The following PSMB2 variants were observed in gnomAD, a reference collection of about 807,000 sequenced individuals.
The protein encoded by PSMB2 is proteasome subunit beta type-2.
In PSMB2, 13 loss-of-function variants were observed where a neutral mutation model predicts 25.7. That is an observed-to-expected ratio of 0.51 (90% confidence interval 0.33 to 0.80). The LOEUF (loss-of-function observed/expected upper bound fraction) is 0.80. Ranked by LOEUF, PSMB2 falls within the 30% of genes least tolerant of loss-of-function variation. PSMB2 has a pLI of 0.02. For synonymous variants in PSMB2, 87 were observed against 96.2 expected (o/e 0.90, Z 0.56); for missense variants, 202 against 259.0 (o/e 0.78, Z 1.51).
rs774821361 is a variant in PSMB2, at chr1:35,641,428, T to C, written c.5A>G (p.Glu2Gly). Residue 2 changes from glutamate (E) to glycine (G), a missense_variant, in exon 1 of 6, where the codon GAG (glutamate) becomes GGG (glycine). Coordinates refer to ENST00000373237, the MANE Select transcript of PSMB2 (RefSeq NM_002794.5). M[E>G]YLIGIQGPDY... ...GGGGCCTTGGATACCGATGAGGTACTCCATGGTGGCGGAAGGCCAGGGGCT... is the reference window on the plus strand; with the variant it reads ...GGGGCCTTGGATACCGATGAGGTACCCCATGGTGGCGGAAGGCCAGGGGCT... 9 of 1,614,076 alleles carry C rather than the reference T, an allele frequency of 5.6e-6. No homozygotes were observed. Among genetic ancestry groups the C allele is most frequent in the Non-Finnish European group, 7.6e-6 (9 of 1,179,996 alleles).
intron 4 of PSMB2, among the ~76,000 whole-genome samples, chr1:35,605,975 G>A (rs942291204): frequency 1.3e-5 from 2 of 152,198 alleles, no homozygotes; most frequent in Non-Finnish European, 2.9e-5. Flanking sequence ...CTAAGGTTGA[G>A]CGAGAGGGCA....
At chr1:35,631,549 T>G in intron 2 of PSMB2, 2 of 1,358,324 alleles carry the variant, frequency 1.5e-6, no homozygotes, top group Non-Finnish European at 1.9e-6. Context: ...ACAGCAATTC[T>G]TGGCCACAAA....
chr1:35,608,909 G>A (rs1476847624), intron 4 of PSMB2, among the ~76,000 whole-genome samples: 1 of 152,130 alleles, frequency 6.6e-6, no homozygotes, highest in East Asian at 1.9e-4. Flanking sequence ...AGCAAAATAA[G>A]TGAAAAAACT....
In PSMB2 at chr1:35,641,385, G is replaced by A. The variant is rs748295657; in HGVS notation, c.48C>T (p.Ala16=). 8 of 1,614,002 alleles carry A rather than the reference G, an allele frequency of 5.0e-6. No homozygotes were observed. The Admixed American group carries it at 8.3e-5, about 17-fold the overall frequency. Residue 16 remains alanine, a synonymous_variant, in exon 1 of 6, where the codon GCC becomes GCT. Coordinates refer to ENST00000373237, the MANE Select transcript of PSMB2 (RefSeq NM_002794.5). ...TATTGCTGGCGGCCACCCGGTCGGAGGCGACAAGAACATAGTCGGGGCCTT... is the reference window on the plus strand; with the variant it reads ...TATTGCTGGCGGCCACCCGGTCGGAAGCGACAAGAACATAGTCGGGGCCTT... ...GIQGPDYVLV[A]SDRVAASNIV...
At chr1:35,631,571 C>T (rs1571140522) in intron 2 of PSMB2, 1 of 1,202,358 alleles carries the variant, frequency 8.3e-7, no homozygotes, top group Non-Finnish European at 1.1e-6. Context: ...AGAACCAGTT[C>T]TATAGTGGAA....
intron 3 of PSMB2, among the ~76,000 whole-genome samples, chr1:35,627,425 G>A (rs1373528446): frequency 6.6e-6 from 1 of 152,124 alleles, no homozygotes; most frequent in East Asian, 1.9e-4. Context: ...GGAAGCAGAA[G>A]CGGGAGGATT....
intron 1 of PSMB2, among the ~76,000 whole-genome samples, chr1:35,636,638 CT>C (rs914347603): frequency 6.6e-6 from 1 of 151,610 alleles, no homozygotes; most frequent in East Asian, 1.9e-4. Flanking sequence ...CATGTACTGA[CT>C]TTTTTTCTGG....
chr1:35,635,885 T>A (rs1411192569), intron 2 of PSMB2, among the ~76,000 whole-genome samples: 1 of 151,506 alleles, frequency 6.6e-6, no homozygotes. Flanking sequence ...TAAAGAATAT[T>A]ATTTTTCAGT....
rs187286883 is a variant in PSMB2 at position 35,631,864 on chromosome 1, A to T, written c.215-520T>A. ...AGTGAGACCCCCATCTCTAAAAAAAATTTTTTTTTAAATTTCTAGGCATGG... is the reference window on the plus strand; with the variant it reads ...AGTGAGACCCCCATCTCTAAAAAAATTTTTTTTTTAAATTTCTAGGCATGG... On this transcript the variant is annotated intron_variant, in intron 2 of 5. Coordinates refer to ENST00000373237, the MANE Select transcript of PSMB2 (RefSeq NM_002794.5). 1.0e-2 allele frequency among the ~76,000 whole-genome samples: 1,516 copies of T among 151,756 alleles called. 31 individuals carry two copies. The highest frequency in any genetic ancestry group is 0.035 in the African/African-American group (1,435 of 41,352).
At chr1:35,612,684 C>T (rs2148565576) in intron 3 of PSMB2, among the ~76,000 whole-genome samples, 1 of 152,236 alleles carries the variant, frequency 6.6e-6, no homozygotes, top group South Asian at 2.1e-4. Context: ...AGTCTTTTAC[C>T]TATCACAAAG....
intron 2 of PSMB2, 118 bp downstream of exon 2, chr1:35,636,192 C>T: frequency 7.6e-7 from 1 of 1,309,178 alleles, no homozygotes; most frequent in African/African-American, 1.5e-5. Context: ...TCTTTGACTT[C>T]TAACATCTAG....
chr1:35,610,736 C>T (rs1022981338), intron 3 of PSMB2, among the ~76,000 whole-genome samples: 13 of 152,126 alleles, frequency 8.5e-5, no homozygotes, highest in African/African-American at 1.4e-4. Flanking sequence ...CCTCGTGATC[C>T]GCCCGCCTCG....
chr1:35,632,244 G>A (rs772197766), intron 2 of PSMB2, among the ~76,000 whole-genome samples: 2 of 152,120 alleles, frequency 1.3e-5, no homozygotes, highest in African/African-American at 4.8e-5. Context: ...AATAAAAGTT[G>A]TCATACCAAC....
At chr1:35,613,584 A>C (rs931952642) in intron 3 of PSMB2, among the ~76,000 whole-genome samples, 1 of 152,194 alleles carries the variant, frequency 6.6e-6, no homozygotes, top group Non-Finnish European at 1.5e-5. Context: ...GAAGTGGTTC[A>C]AGTTTAAGTC....
chr1:35,640,344 C>T (rs1651360290), intron 1 of PSMB2, among the ~76,000 whole-genome samples: 1 of 152,096 alleles, frequency 6.6e-6, no homozygotes, highest in Non-Finnish European at 1.5e-5. Flanking sequence ...ATCCTCCCGA[C>T]AAGTTTGTGA....
rs77097733 is a variant in PSMB2, at chr1:35,629,420, G to A, written c.285+1854C>T. Among the ~76,000 whole-genome samples the A allele has an allele frequency of 1.5e-3, 233 of 152,234 alleles. 3 individuals carry two copies. The East Asian group carries it at 0.04, about 26-fold the overall frequency. On this transcript the variant is annotated intron_variant, in intron 3 of 5. Transcript: ENST00000373237. ...GTGTTGCATCTTTTAACATGCTGTC[G>A]ATGAAATGGAGACAGCTCTAGAATA...
Position 35,600,853 on chromosome 1 carries a change from A to C in PSMB2, c.*2414T>G. On this transcript the variant is annotated 3_prime_UTR_variant, in exon 6 of 6. Transcript: ENST00000373237. ...CTGAATGCAGAATAACAAGTTTACC[A>C]ATCATTATACACTTACTGAGCACTT... 1.0e-6 allele frequency: 1 copy of C among 985,410 alleles called. No individual in the cohort carries two copies. The highest frequency in any genetic ancestry group is 1.2e-6 in the Non-Finnish European group (1 of 829,930). The allele number at this position is 985,410 out of a possible 1,614,324, so 61.0% of individuals were successfully genotyped here. A position where few individuals can be genotyped will look rare whatever the true frequency, so the allele number is the denominator to read the frequency against.
intron 3 of PSMB2, among the ~76,000 whole-genome samples, chr1:35,620,794 A>T (rs1055628427): frequency 1.3e-5 from 2 of 151,016 alleles, no homozygotes; most frequent in East Asian, 2.0e-4. Context: ...CCTCCCGAGT[A>T]CCTAGGACTA....
chr1:35,614,393 C>A (rs1270925879), intron 3 of PSMB2, among the ~76,000 whole-genome samples: 1 of 152,186 alleles, frequency 6.6e-6, no homozygotes, highest in Non-Finnish European at 1.5e-5. Context: ...GAATCTCTTA[C>A]AAAGTAATCC....
Sources: allele counts gnomAD v4.1 joint callset (sites outside exome capture counted in the v4.1 genomes callset), GRCh38; gene constraint gnomAD v4.1.1; transcripts MANE v1.5; gene names NCBI Gene and HGNC (gene_info 2026-07-23, HGNC 2026-07-21).